EIPR1: variants seen among roughly 807,000 people sequenced by gnomAD.
EIPR1 encodes EARP complex and GARP complex interacting protein 1.
In EIPR1, 25 loss-of-function variants were observed where a neutral mutation model predicts 48.1. That is an observed-to-expected ratio of 0.52 (90% confidence interval 0.38 to 0.73). The LOEUF is 0.73. Among genes scored for constraint, EIPR1 ranks in the 30% least tolerant of loss-of-function variants. The pLI, the probability that EIPR1 is intolerant of heterozygous loss-of-function variation, is 0.00. For synonymous variants in EIPR1, 204 were observed against 201.9 expected (o/e 1.01, Z -0.09); for missense variants, 415 against 506.2 (o/e 0.82, Z 1.73).
intron 5 of EIPR1, chr2:3,208,710 C>G (rs17327576): frequency 6.5e-7 from 1 of 1,550,176 alleles, no homozygotes; most frequent in East Asian, 2.4e-5. Flanking sequence ...CTCGGCGGGT[C>G]CTTCTTCCAT....
At chr2:3,269,935 G>A (rs542707950) in intron 3 of EIPR1, among the ~76,000 whole-genome samples, 1 of 152,180 alleles carries the variant, frequency 6.6e-6, no homozygotes, top group East Asian at 1.9e-4. Context: ...GGGAGCACCA[G>A]CCCTTGGCTT....
At chr2:3,377,432 GGGAAGGA>G in intron 1 of EIPR1, 1 of 494,768 alleles carries the variant, frequency 2.0e-6, no homozygotes, top group East Asian at 3.3e-5. Flanking sequence ...GGATGTGAAG[GGGAAGGA>G]GGCAGGCCGG....
intron 3 of EIPR1, among the ~76,000 whole-genome samples, chr2:3,311,675 C>T (rs1319849550): frequency 1.3e-5 from 2 of 152,164 alleles, no homozygotes; most frequent in African/African-American, 4.8e-5. Flanking sequence ...CTGCAGAGTA[C>T]AGGGCTAGGG....
intron 4 of EIPR1, among the ~76,000 whole-genome samples, chr2:3,256,294 A>G (rs904031241): frequency 2.6e-5 from 4 of 152,102 alleles, no homozygotes; most frequent in Non-Finnish European, 4.4e-5. Flanking sequence ...AATTCCTCTA[A>G]TAACAATTAA....
At chr2:3,230,923 T>C (rs2103166710) in intron 4 of EIPR1, among the ~76,000 whole-genome samples, 2 of 152,348 alleles carry the variant, frequency 1.3e-5, no homozygotes, top group Admixed American at 1.3e-4. Context: ...ATTGAATCTG[T>C]AGATGATTTT....
At chr2:3,319,126 A>G in intron 3 of EIPR1, 1 of 352,942 alleles carries the variant, frequency 2.8e-6, no homozygotes, top group Non-Finnish European at 5.7e-6. Flanking sequence ...TACAAATGTC[A>G]CTCTGAGACA....
At chr2:3,283,496 C>T (rs1668077695) in intron 3 of EIPR1, among the ~76,000 whole-genome samples, 1 of 152,152 alleles carries the variant, frequency 6.6e-6, no homozygotes, top group Non-Finnish European at 1.5e-5. Context: ...CACAAGAGGA[C>T]TGAGAAGGAG....
At chr2:3,205,609 A>T (rs1318272475) in intron 5 of EIPR1, among the ~76,000 whole-genome samples, 1 of 152,198 alleles carries the variant, frequency 6.6e-6, no homozygotes. Context: ...CTGCAGCCAA[A>T]TACAACCTAA....
chr2:3,242,114 G>A (rs1380288762), intron 4 of EIPR1, among the ~76,000 whole-genome samples: 6 of 152,028 alleles, frequency 3.9e-5, no homozygotes, highest in East Asian at 3.9e-4. Flanking sequence ...TCGACACCAC[G>A]GACCAGGCAG....
intron 3 of EIPR1, among the ~76,000 whole-genome samples, chr2:3,296,071 C>T (rs1265055633): frequency 8.2e-6 from 1 of 121,844 alleles, no homozygotes; most frequent in Non-Finnish European, 1.7e-5. Context: ...CCTCCTCTCT[C>T]TGCACACACA....
intron 4 of EIPR1, among the ~76,000 whole-genome samples, chr2:3,240,140 A>AAAGCAAAGCCAGCAGATCCTTCCTC (rs1666553653): frequency 1.3e-5 from 2 of 149,426 alleles, no homozygotes; most frequent in African/African-American, 4.9e-5. Flanking sequence ...GATCCTTCCT[A>AAAGCAAAGCCAGCAGATCCTTCCTC]AAGCAAAGCC....
intron 3 of EIPR1, among the ~76,000 whole-genome samples, chr2:3,321,540 A>C (rs1669530415): frequency 6.6e-6 from 1 of 152,204 alleles, no homozygotes; most frequent in Non-Finnish European, 1.5e-5. Context: ...GAGGAGACTA[A>C]GAATACTATT....
rs115607697 is a variant in EIPR1, at chr2:3,314,233, G to A, written c.259+23784C>T. 2.8e-3 allele frequency among the ~76,000 whole-genome samples: 432 copies of A among 152,222 alleles called. 2 individuals are homozygous for A. The highest frequency in any genetic ancestry group is 9.7e-3 in the African/African-American group (403 of 41,528). ...ATTCATCCCAGTTCTAACGTGGGAC[G>A]CTCGTTCCCAAGTACAGAGGCAGGA... is the stretch of plus-strand genomic sequence containing the variant. On this transcript the variant is annotated intron_variant, in intron 3 of 8. Coordinates refer to ENST00000382125, the MANE Select transcript of EIPR1 (RefSeq NM_003310.5).
chr2:3,215,413 T>C (rs1665598122), intron 4 of EIPR1, among the ~76,000 whole-genome samples: 1 of 152,226 alleles, frequency 6.6e-6, no homozygotes, highest in African/African-American at 2.4e-5. Context: ...TGTTAAGCCA[T>C]TTCCTAATGT....
chr2:3,356,227 GT>G lies in EIPR1; in HGVS notation c.43-1595del, dbSNP rs1462069625. Among the ~76,000 whole-genome samples the G allele has an allele frequency of 3.3e-5, 5 of 152,344 alleles. No individual in the cohort carries two copies. The East Asian group carries it at 9.6e-4, about 29-fold the overall frequency. ...GGATGCAGGCTTTTCCTGAGGAGGG[GT>G]GTGACCTTGCGCAAAGTGCCTCTGT... On this transcript the variant is annotated intron_variant, in intron 1 of 8. Coordinates refer to ENST00000382125, the MANE Select transcript of EIPR1 (RefSeq NM_003310.5).
At position 3,365,428 on chromosome 2, in the gene EIPR1, C is replaced by T. The variant is rs1670948885; in HGVS notation, c.43-10795G>A. Among the ~76,000 whole-genome samples the T allele has an allele frequency of 4.0e-5, 6 of 151,836 alleles. No individual in the cohort carries two copies. The South Asian group carries it at 1.2e-3, about 31-fold the overall frequency. On this transcript the variant is annotated intron_variant, in intron 1 of 8. Transcript: ENST00000382125. Reference sequence around the variant, plus strand: ...TCCAGGCTGCCATGAGCCACGATCGCACTACTGCACTACAGCCTGGTCAAC... The same window carrying T: ...TCCAGGCTGCCATGAGCCACGATCGTACTACTGCACTACAGCCTGGTCAAC...
chr2:3,265,567 C>A (rs1667461027), intron 3 of EIPR1, among the ~76,000 whole-genome samples: 1 of 152,194 alleles, frequency 6.6e-6, no homozygotes, highest in African/African-American at 2.4e-5. Context: ...GTTTTTCACA[C>A]GCTCCTGAAC....
At chr2:3,301,722 G>T (rs2103294353) in intron 3 of EIPR1, among the ~76,000 whole-genome samples, 1 of 152,316 alleles carries the variant, frequency 6.6e-6, no homozygotes, top group South Asian at 2.1e-4. Flanking sequence ...CAGTCTCAAG[G>T]TGATAAAATA....
Position 3,278,932 on chromosome 2 carries a change from A to G in EIPR1, c.260-21477T>C, listed in dbSNP as rs997976070. Among the ~76,000 whole-genome samples the G allele has an allele frequency of 7.2e-5, 11 of 152,144 alleles. No homozygotes were observed. The East Asian group carries it at 1.9e-3, about 27-fold the overall frequency. On this transcript the variant is annotated intron_variant, in intron 3 of 8. Transcript: ENST00000382125. ...CAGAAGCAATCTGGCAGACAGCATA[A>G]ACCTTGGTTGATACGTGAGTTCACC...
Sources: allele counts gnomAD v4.1 joint callset (sites outside exome capture counted in the v4.1 genomes callset), GRCh38; gene constraint gnomAD v4.1.1; transcripts MANE v1.5; gene names NCBI Gene and HGNC (gene_info 2026-07-23, HGNC 2026-07-21).